Variants in KRT40 observed in about 807,000 individuals in gnomAD.
The protein encoded by KRT40 is keratin, type I cytoskeletal 40.
A neutral mutation model predicts 43.5 loss-of-function variants in KRT40; 47 were observed. That is an observed-to-expected ratio of 1.08 (90% CI 0.86 to 1.38). The LOEUF (loss-of-function observed/expected upper bound fraction) is 1.38, where lower values mean the gene tolerates loss of function less well. KRT40 is among the 40% of genes most tolerant of loss of function. The pLI, the probability that KRT40 is intolerant of heterozygous loss-of-function variation, is 0.00. For synonymous variants in KRT40, 212 were observed against 214.0 expected, an observed-to-expected ratio of 0.99 and a Z score of 0.08; for missense variants, 573 against 523.6, an observed-to-expected ratio of 1.09 and a Z score of -0.92.
intron 3 of KRT40, among the ~76,000 whole-genome samples, chr17:40,982,004 G>A (rs2041775114): frequency 1.3e-5 from 2 of 151,758 alleles, no homozygotes; most frequent in Admixed American, 6.6e-5. Flanking sequence ...TCAGCCTCCC[G>A]AGTAGCTAGG....
Position 40,984,150 on chromosome 17 carries a change from G to A in KRT40, c.124C>T (p.Arg42Ter), listed in dbSNP as rs1218214820. Residue 42 changes from arginine to a stop codon, truncating the protein, a stop_gained, in exon 1 of 7, where the codon CGA (arginine) becomes TGA (stop). Transcript: ENST00000377755. LOFTEE classifies it high-confidence loss of function. ...ACLPGTCATS[R>*]CQTPSFLSRS... Reference sequence around the variant, plus strand: ...GATAGGAAGCTTGGAGTCTGACATCGGGATGTAGCACAGGTACCGGGGAGA... The same window carrying A: ...GATAGGAAGCTTGGAGTCTGACATCAGGATGTAGCACAGGTACCGGGGAGA... 5.0e-6 allele frequency: 8 copies of A among 1,613,934 alleles called. No homozygotes were observed. The Admixed American group carries it at 5.0e-5, about 10-fold the overall frequency.
rs1385351546 is a variant in KRT40 at position 40,978,979 on chromosome 17, T to C, written c.1021A>G (p.Ser341Gly). 2.5e-6 allele frequency: 4 copies of C among 1,614,148 alleles called. No homozygotes were observed. In the East Asian group the frequency reaches 8.9e-5, roughly 36 times the overall value. ...CTVAETEAQY[S>G]SQLAQIQCLI... ...CACTGAATTTGGGCCAGCTGGGAGC[T>C]GTACTGGGCCTCGGTTTCTGCCACG... The change falls in exon 6 of 7, where the codon AGC becomes GGC. Residue 341 changes from serine (S) to glycine (G), a missense_variant. By Grantham distance (56) the Ser-to-Gly change is moderately conservative. Coordinates refer to ENST00000377755, the MANE Select transcript of KRT40 (RefSeq NM_001389244.1).
Position 40,984,256 on chromosome 17 carries a change from G to A in KRT40, c.18C>T (p.Ser6=). ...AGGACTCAGGAGAGCAGTGTGTGGA[G>A]GAGCAGTCAGAAGTCATCCTTCCAG... MTSDC[S]STHCSPESCG... The change falls in exon 1 of 7, where the codon TCC becomes TCT. Residue 6 remains serine, a synonymous_variant. Coordinates refer to ENST00000377755, the MANE Select transcript of KRT40 (RefSeq NM_001389244.1). 2 of 1,609,464 alleles carry A rather than the reference G, an allele frequency of 1.2e-6. No homozygotes were observed. Among genetic ancestry groups the A allele is most frequent in the Non-Finnish European group, 1.7e-6 (2 of 1,176,684 alleles).
intron 1 of KRT40, 61 bp downstream of exon 1, chr17:40,983,757 CCCTTCTAGT>C: frequency 6.9e-7 from 1 of 1,452,232 alleles, no homozygotes; most frequent in Non-Finnish European, 9.5e-7. Flanking sequence ...GTAAAACAGC[CCCTTCTAGT>C]AGAAAGATAA....
In KRT40 at chr17:40,980,739, C is replaced by T. The variant is rs1912094043; in HGVS notation, c.975+46G>A. The T allele has an allele frequency of 3.2e-6, 5 of 1,539,388 alleles. No homozygotes were observed. In the South Asian group the frequency reaches 6.3e-5, roughly 19 times the overall value. ...TGGAAGAGGGCTTAACATCTCAGGGCCTGACTTATCAGTGACACAACGGAC... is the reference window on the plus strand; with the variant it reads ...TGGAAGAGGGCTTAACATCTCAGGGTCTGACTTATCAGTGACACAACGGAC... On this transcript the variant is annotated intron_variant, in intron 5 of 6. Coordinates refer to ENST00000377755, the MANE Select transcript of KRT40 (RefSeq NM_001389244.1).
In KRT40 at chr17:40,982,441, G is replaced by A. The variant is rs779823166; in HGVS notation, c.553C>T (p.Arg185Cys). Residue 185 changes from arginine (R) to cysteine (C), a missense_variant, in exon 3 of 7, where the codon CGC becomes TGC. Arg to Cys is a radical substitution (Grantham distance 180, BLOSUM62 -3). Coordinates refer to ENST00000377755, the MANE Select transcript of KRT40 (RefSeq NM_001389244.1). Reference sequence around the variant, plus strand: ...CTGATGTCAGCCTCTAACAGCTGGCGAAGGGACAGTTCACTCTCGTACCTT... The same window carrying A: ...CTGATGTCAGCCTCTAACAGCTGGCAAAGGGACAGTTCACTCTCGTACCTT... ...KSKYESELSL[R>C]QLLEADISSL... The A allele has an allele frequency of 3.7e-6, 6 of 1,603,422 alleles. No individual in the cohort carries two copies. Among genetic ancestry groups the A allele is most frequent in the South Asian group, 1.1e-5 (1 of 89,372 alleles).
chr17:40,983,099 T>C lies in KRT40; in HGVS notation c.477A>G (p.Arg159=). Residue 159 remains arginine (R), a synonymous_variant, in exon 2 of 7, where the codon AGA becomes AGG. Transcript: ENST00000377755. The part of the protein sequence containing the change: ...KILCTKAENS[R]LAVQLDNCKL... The stretch of plus-strand genomic sequence containing the variant: ...TGCAGTTGTCAAGCTGTACAGCAAG[T>C]CTAGAATTCTCTGCTTTCGTGCATA... 5 of 1,510,152 alleles carry C rather than the reference T, an allele frequency of 3.3e-6. No individual in the cohort carries two copies. The highest frequency in any genetic ancestry group is 4.6e-6 in the Non-Finnish European group (5 of 1,091,530). 93.5% of individuals were successfully genotyped at this position (1,510,152 alleles called of 1,614,324 possible).
rs1912215515 is a variant in KRT40, at chr17:40,982,396, C to G, written c.598G>C (p.Glu200Gln). ...TCAGATTTGCACAGGGTCAGTTCCT[C>G]CAGGATCCCATGCAGGCTGCTGATG... ...ADISSLHGIL[E>Q]ELTLCKSDLE... Residue 200 changes from glutamate (E) to glutamine (Q), a missense_variant, in exon 3 of 7, where the codon GAG (glutamate) becomes CAG (glutamine). Glu to Gln is a conservative substitution (Grantham distance 29). Transcript: ENST00000377755. 6.2e-7 allele frequency: 1 copy of G among 1,611,568 alleles called. No homozygotes were observed. Among genetic ancestry groups the G allele is most frequent in the Non-Finnish European group, 8.5e-7 (1 of 1,178,880 alleles).
upstream of KRT40, chr17:40,984,357 C>G (rs1366959748): frequency 1.9e-6 from 2 of 1,080,362 alleles, no homozygotes; most frequent in Non-Finnish European, 2.7e-6. Flanking sequence ...AGTTTTATAA[C>G]CCCCCAAAAT....
chr17:40,985,877 C>A (rs993903621), upstream of KRT40, among the ~76,000 whole-genome samples: 11 of 152,144 alleles, frequency 7.2e-5, no homozygotes, highest in Admixed American at 3.3e-4. Context: ...GTGAAGAAAA[C>A]CCATGTTTTG....
rs1912322194 is a variant in KRT40 at position 40,983,980 on chromosome 17, G to A, written c.294C>T (p.Asp98=). The part of the protein sequence containing the change: ...NEKETMQFLN[D]RLASYLEKVR... ...CCTTCTCCAGATAGCTGGCGAGTCT[G>A]TCATTCAGGAACTGCATCGTCTCCT... is the stretch of plus-strand genomic sequence containing the variant. The change falls in exon 1 of 7, where the codon GAC becomes GAT. Residue 98 remains aspartate (D), a synonymous_variant. Transcript: ENST00000377755. 4 of 1,614,100 alleles carry A rather than the reference G, an allele frequency of 2.5e-6. No homozygotes were observed. The East Asian group carries it at 6.7e-5, about 27-fold the overall frequency.
rs148077371 is a variant in KRT40 at position 40,979,104 on chromosome 17, C to T, written c.976-80G>A. On this transcript the variant is annotated intron_variant, in intron 5 of 6. Transcript: ENST00000377755. Reference sequence around the variant, plus strand: ...GTGCCTACTTTCAAATTCCTGCTTACCCTTTTCTAGCTATGTGACCACTGG... The same window carrying T: ...GTGCCTACTTTCAAATTCCTGCTTATCCTTTTCTAGCTATGTGACCACTGG... 257 of 1,117,608 alleles carry T rather than the reference C, an allele frequency of 2.3e-4. 2 individuals carry two copies. The East Asian group carries it at 5.4e-3, about 24-fold the overall frequency. 69.2% of individuals were successfully genotyped at this position (1,117,608 alleles called of 1,614,324 possible). A position where few individuals can be genotyped will look rare whatever the true frequency, so the allele number is the denominator to read the frequency against.
chr17:40,981,368 T>G (rs1912141757), intron 3 of KRT40: 2 of 849,854 alleles, frequency 2.4e-6, no homozygotes, highest in African/African-American at 1.7e-5. Flanking sequence ...CAGAAAGTTA[T>G]TGTGAGATCT....
Position 40,979,676 on chromosome 17 carries a change from C to G in KRT40, c.976-652G>C, listed in dbSNP as rs140267071. On this transcript the variant is annotated intron_variant, in intron 5 of 6. Coordinates refer to ENST00000377755, the MANE Select transcript of KRT40 (RefSeq NM_001389244.1). ...TGAGAGGAAAGATTGAGTTTGGGCT[C>G]TTGGCAGGGAGGGGTAGTATAGTGC... 2.6e-3 allele frequency among the ~76,000 whole-genome samples: 391 copies of G among 152,146 alleles called. 2 individuals carry two copies. Among genetic ancestry groups the G allele is most frequent in the Non-Finnish European group, 4.7e-3 (318 of 67,996 alleles).
intron 2 of KRT40, 33 bp downstream of exon 2, chr17:40,983,009 AAAAT>A (rs1322375007): frequency 2.7e-5 from 24 of 890,086 alleles, no homozygotes; most frequent in East Asian, 1.0e-4. Flanking sequence ...ACTCCATCTC[AAAAT>A]AAATAAATAA....
At position 40,984,143 on chromosome 17, in the gene KRT40, T is replaced by C. The variant is rs1294117975; in HGVS notation, c.131A>G (p.Gln44Arg). 6.2e-7 allele frequency: 1 copy of C among 1,614,110 alleles called. No individual in the cohort carries two copies. The highest frequency in any genetic ancestry group is 8.5e-7 in the Non-Finnish European group (1 of 1,180,020). ...LPGTCATSRC[Q>R]TPSFLSRSRG... ...AGACCTGGATAGGAAGCTTGGAGTCTGACATCGGGATGTAGCACAGGTACC... is the reference window on the plus strand; with the variant it reads ...AGACCTGGATAGGAAGCTTGGAGTCCGACATCGGGATGTAGCACAGGTACC... The change falls in exon 1 of 7, where the codon CAG becomes CGG. Residue 44 changes from glutamine (Q) to arginine (R), a missense_variant. Gln to Arg is a conservative substitution (Grantham distance 43, BLOSUM62 1). Coordinates refer to ENST00000377755, the MANE Select transcript of KRT40 (RefSeq NM_001389244.1).
chr17:40,979,290 C>G (rs564820655), intron 5 of KRT40, among the ~76,000 whole-genome samples: 1 of 151,966 alleles, frequency 6.6e-6, no homozygotes, highest in Non-Finnish European at 1.5e-5. Context: ...CCGAGGCGGG[C>G]GGATCACAAG....
Position 40,980,841 on chromosome 17 carries a change from C to T in KRT40, c.919G>A (p.Glu307Lys). ...QLQGCQMEILELKRTASALEI... is the reference protein window; with the variant it reads ...QLQGCQMEILKLKRTASALEI... ...AGAGCACTGGCTGTGCGTTTCAGTTCCAAGATCTCCATCTGGCAGCCCTGC... is the reference window on the plus strand; with the variant it reads ...AGAGCACTGGCTGTGCGTTTCAGTTTCAAGATCTCCATCTGGCAGCCCTGC... Residue 307 changes from glutamate to lysine, a missense_variant, in exon 5 of 7, where the codon GAA becomes AAA. Glu to Lys is a moderately conservative substitution (Grantham distance 56). Coordinates refer to ENST00000377755, the MANE Select transcript of KRT40 (RefSeq NM_001389244.1). 6.2e-7 allele frequency: 1 copy of T among 1,613,220 alleles called. No homozygotes were observed. Among genetic ancestry groups the T allele is most frequent in the Non-Finnish European group, 8.5e-7 (1 of 1,179,944 alleles).
chr17:40,979,435 A>G (rs1378324881), intron 5 of KRT40, among the ~76,000 whole-genome samples: 3 of 151,804 alleles, frequency 2.0e-5, no homozygotes, highest in Admixed American at 6.6e-5. Flanking sequence ...CCGGGAGGCA[A>G]AGCTTGCAGT....
Sources: allele counts gnomAD v4.1 joint callset (sites outside exome capture counted in the v4.1 genomes callset), GRCh38; gene constraint gnomAD v4.1.1; transcripts MANE v1.5; gene names NCBI Gene and HGNC (gene_info 2026-07-23, HGNC 2026-07-21).